The following TENM2 variants were observed in gnomAD, a reference collection of about 807,000 sequenced individuals.
The protein encoded by TENM2 is teneurin-2.
Under a neutral mutation model 245.2 loss-of-function variants are expected in TENM2, and 52 were observed. The ratio of observed to expected loss-of-function variants is 0.21; its 90% CI spans 0.17 to 0.27. The LOEUF is 0.27. TENM2 is among the 10% of genes least tolerant of loss of function. The pLI, the probability that TENM2 is intolerant of heterozygous loss-of-function variation, is 1.00. For synonymous variants in TENM2, 1,363 were observed against 1,438.9 expected, an observed-to-expected ratio of 0.95 and a Z score of 1.19; for missense variants, 3,046 against 3,666.8, an observed-to-expected ratio of 0.83 and a Z score of 4.37.
At chr5:167,264,814 T>A in the TENM2 span, among the ~76,000 whole-genome samples, 1 of 152,180 alleles carries the variant, frequency 6.6e-6, no homozygotes, top group Non-Finnish European at 1.5e-5. Flanking sequence ...ATGTTGACGA[T>A]GTTTGCTTAG....
chr5:167,959,003 T>C (rs1780779867), intron 4 of TENM2, among the ~76,000 whole-genome samples: 1 of 152,122 alleles, frequency 6.6e-6, no homozygotes, highest in South Asian at 2.1e-4. Context: ...GTTTTCTGTA[T>C]TTCCTGAACT....
intron 2 of TENM2, among the ~76,000 whole-genome samples, chr5:167,651,947 T>C (rs2150290914): frequency 6.6e-6 from 1 of 152,276 alleles, no homozygotes; most frequent in Admixed American, 6.5e-5. Flanking sequence ...AGATGGCATA[T>C]TTGGTTTTCA....
At chr5:168,169,203 A>G (rs1021147201) in intron 13 of TENM2, among the ~76,000 whole-genome samples, 1 of 152,228 alleles carries the variant, frequency 6.6e-6, no homozygotes, top group African/African-American at 2.4e-5. Flanking sequence ...GCTCGTCTCC[A>G]TGGAGTGTCC....
chr5:167,769,980 A>G (rs771762189), intron 2 of TENM2, among the ~76,000 whole-genome samples: 2 of 152,034 alleles, frequency 1.3e-5, no homozygotes, highest in African/African-American at 2.4e-5. Context: ...GAATGTTCAC[A>G]TGGGAAATTC....
At chr5:167,256,280 C>G in the TENM2 span, among the ~76,000 whole-genome samples, 3 of 152,116 alleles carry the variant, frequency 2.0e-5, no homozygotes, top group Non-Finnish European at 4.4e-5. Context: ...TTTAGCAACC[C>G]TTGACAATGA....
intron 2 of TENM2, among the ~76,000 whole-genome samples, chr5:167,646,199 T>TTATATATATATATA (rs1491521603): frequency 9.3e-6 from 1 of 107,866 alleles, no homozygotes; most frequent in Non-Finnish European, 1.7e-5. Flanking sequence ...TATGTTGTTT[T>TTATATATATATATA]CATATATATA....
chr5:167,390,523 G>C (rs59828389), intron 2 of TENM2, among the ~76,000 whole-genome samples: 115 of 152,206 alleles, frequency 7.6e-4, no homozygotes, highest in African/African-American at 2.7e-3. Context: ...CACAGTGGTG[G>C]CCCTGCTATT....
intron 1 of TENM2, among the ~76,000 whole-genome samples, chr5:167,322,626 C>T (rs978133556): frequency 1.3e-5 from 2 of 152,062 alleles, no homozygotes; most frequent in Admixed American, 6.5e-5. Context: ...TCTCCCCATT[C>T]TTCCTTAAAG....
chr5:167,514,397 G>C (rs965819643), intron 2 of TENM2, among the ~76,000 whole-genome samples: 1 of 152,100 alleles, frequency 6.6e-6, no homozygotes, highest in Non-Finnish European at 1.5e-5. Context: ...ATTAATTTCA[G>C]GACATGGCTA....
chr5:167,046,431 T>C, the TENM2 span, among the ~76,000 whole-genome samples: 1 of 152,242 alleles, frequency 6.6e-6, no homozygotes, highest in Non-Finnish European at 1.5e-5. Context: ...CAGTGCTTTT[T>C]ACTTACTGAA....
chr5:167,503,102 C>T (rs999132283), intron 2 of TENM2, among the ~76,000 whole-genome samples: 2 of 152,136 alleles, frequency 1.3e-5, no homozygotes, highest in Non-Finnish European at 2.9e-5. Context: ...GCTGGGATTA[C>T]GGGCATGAGC....
the TENM2 span, among the ~76,000 whole-genome samples, chr5:167,021,912 C>G: frequency 6.6e-6 from 1 of 152,048 alleles, no homozygotes; most frequent in Non-Finnish European, 1.5e-5. Flanking sequence ...TTCATAGAAA[C>G]AAAAAGATTA....
At chr5:167,395,013 T>C (rs1761973637) in intron 2 of TENM2, among the ~76,000 whole-genome samples, 1 of 152,210 alleles carries the variant, frequency 6.6e-6, no homozygotes. Context: ...TTATTTGTTC[T>C]ATTTCTTTAA....
chr5:167,002,194 T>C, the TENM2 span, among the ~76,000 whole-genome samples: 3 of 152,274 alleles, frequency 2.0e-5, no homozygotes, highest in Middle Eastern at 6.8e-3. Flanking sequence ...TTTCATCTTC[T>C]AAAGGGGAAA....
intron 2 of TENM2, among the ~76,000 whole-genome samples, chr5:167,418,025 A>C (rs2127417116): frequency 6.6e-6 from 1 of 152,302 alleles, no homozygotes; most frequent in East Asian, 1.9e-4. Context: ...CCTAGACCAC[A>C]ATCAAATTAA....
intron 2 of TENM2, among the ~76,000 whole-genome samples, chr5:167,875,402 G>T (rs1467972421): frequency 6.6e-6 from 1 of 152,172 alleles, no homozygotes; most frequent in African/African-American, 2.4e-5. Context: ...GTGGAAAGTC[G>T]TAAGTGTTAC....
At chr5:167,289,682 C>G (rs1268673115) in intron 1 of TENM2, among the ~76,000 whole-genome samples, 1 of 152,144 alleles carries the variant, frequency 6.6e-6, no homozygotes, top group African/African-American at 2.4e-5. Flanking sequence ...AACTTTTGCT[C>G]TGTATAATTT....
At chr5:167,039,205 G>A in the TENM2 span, among the ~76,000 whole-genome samples, 1 of 152,048 alleles carries the variant, frequency 6.6e-6, no homozygotes, top group Non-Finnish European at 1.5e-5. Flanking sequence ...GGAGCTGGGT[G>A]TTCCTGTGAG....
At chr5:167,673,726 T>A (rs1756119606) in intron 2 of TENM2, among the ~76,000 whole-genome samples, 1 of 151,934 alleles carries the variant, frequency 6.6e-6, no homozygotes, top group Non-Finnish European at 1.5e-5. Flanking sequence ...CTATTAAATT[T>A]GAACCCTAGG....
Sources: gnomAD v4.1 joint callset for allele counts (sites outside exome capture counted in the v4.1 genomes callset) on GRCh38, gnomAD v4.1.1 for gene constraint, MANE v1.5 for transcripts, NCBI Gene and HGNC (gene_info 2026-07-23, HGNC 2026-07-21) for gene names.